The following MAGI2 variants were observed in gnomAD, a reference collection of about 807,000 sequenced individuals.
The protein encoded by MAGI2 is membrane associated guanylate kinase, WW and PDZ domain containing 2.
MAGI2 carries 35 observed loss-of-function variants against 133.3 expected under a neutral mutation model. That is an observed-to-expected ratio of 0.26 (90% CI 0.20 to 0.35). MAGI2 has a LOEUF of 0.35. Ranked by LOEUF, MAGI2 falls within the 10% of genes least tolerant of loss-of-function variation. The probability of loss-of-function intolerance (pLI) is 1.00; values close to 1 mark genes in which losing one functional copy is unlikely to be tolerated. For missense variants in MAGI2, 1,636 were observed against 1,863.4 expected, an observed-to-expected ratio of 0.88 and a Z score of 2.25; for synonymous variants, 729 against 710.6, an observed-to-expected ratio of 1.03 and a Z score of -0.41.
chr7:79,173,825 G>T (rs1197919108), intron 1 of MAGI2, among the ~76,000 whole-genome samples: 1 of 151,976 alleles, frequency 6.6e-6, no homozygotes, highest in Non-Finnish European at 1.5e-5. Flanking sequence ...CAATACTAAT[G>T]GAACAGAATT....
chr7:78,241,362 G>T (rs1211220762), intron 10 of MAGI2, among the ~76,000 whole-genome samples: 2 of 152,138 alleles, frequency 1.3e-5, no homozygotes, highest in Non-Finnish European at 2.9e-5. Context: ...CATGCTAAGT[G>T]TTGTTTGTGC....
chr7:78,106,505 C>T (rs1818707404), intron 20 of MAGI2, among the ~76,000 whole-genome samples: 1 of 152,140 alleles, frequency 6.6e-6, no homozygotes, highest in Non-Finnish European at 1.5e-5. Context: ...ATCTCCCCAT[C>T]CTTACCAGCA....
At chr7:79,394,694 A>T (rs1231537098) in intron 1 of MAGI2, among the ~76,000 whole-genome samples, 1 of 152,210 alleles carries the variant, frequency 6.6e-6, no homozygotes, top group Non-Finnish European at 1.5e-5. Flanking sequence ...TTCTACAAAC[A>T]GTAATCATGT....
chr7:78,299,394 A>C (rs1201154731), intron 9 of MAGI2, among the ~76,000 whole-genome samples: 1 of 152,210 alleles, frequency 6.6e-6, no homozygotes, highest in Non-Finnish European at 1.5e-5. Flanking sequence ...ACAATCATTA[A>C]AACTTTTAAT....
chr7:78,918,575 T>G (rs1798975503), intron 2 of MAGI2, among the ~76,000 whole-genome samples: 1 of 152,174 alleles, frequency 6.6e-6, no homozygotes, highest in African/African-American at 2.4e-5. Flanking sequence ...GATTTATCAT[T>G]TTGGCCTTAG....
chr7:79,203,707 C>T (rs756177668), intron 1 of MAGI2, among the ~76,000 whole-genome samples: 27 of 152,108 alleles, frequency 1.8e-4, no homozygotes, highest in Admixed American at 5.2e-4. Flanking sequence ...AAAAACCAAT[C>T]CACCAATCAG....
intron 2 of MAGI2, among the ~76,000 whole-genome samples, chr7:78,692,892 C>T (rs926915495): frequency 6.6e-6 from 1 of 152,244 alleles, no homozygotes; most frequent in East Asian, 1.9e-4. Flanking sequence ...TCCCTATCAA[C>T]GGTTTCTTTC....
At chr7:78,243,789 A>T (rs1791443283) in intron 10 of MAGI2, among the ~76,000 whole-genome samples, 1 of 152,088 alleles carries the variant, frequency 6.6e-6, no homozygotes, top group Non-Finnish European at 1.5e-5. Flanking sequence ...TAAGCAGAAG[A>T]CTTTGTTGCA....
At chr7:78,549,429 C>A (rs951927453) in intron 3 of MAGI2, among the ~76,000 whole-genome samples, 6 of 151,808 alleles carry the variant, frequency 4.0e-5, no homozygotes, top group East Asian at 1.9e-4. Context: ...AAAACCCAAT[C>A]ATAAAATCAC....
intron 14 of MAGI2, among the ~76,000 whole-genome samples, chr7:78,168,477 C>T (rs1342313546): frequency 6.6e-6 from 1 of 152,136 alleles, no homozygotes; most frequent in African/African-American, 2.4e-5. Flanking sequence ...CTTTCTGGCT[C>T]ATCATAAATG....
intron 1 of MAGI2, among the ~76,000 whole-genome samples, chr7:79,042,653 A>T (rs1811777330): frequency 6.6e-6 from 1 of 152,138 alleles, no homozygotes; most frequent in South Asian, 2.1e-4. Flanking sequence ...AGACTTCAAC[A>T]CCCCACTGAC....
chr7:78,103,769 A>G (rs985144383), intron 20 of MAGI2, among the ~76,000 whole-genome samples: 1 of 152,276 alleles, frequency 6.6e-6, no homozygotes, highest in African/African-American at 2.4e-5. Flanking sequence ...TGGAAAAAGT[A>G]CAGTGCACAT....
intron 1 of MAGI2, among the ~76,000 whole-genome samples, chr7:79,175,222 G>C (rs1043519095): frequency 1.3e-5 from 2 of 151,748 alleles, no homozygotes; most frequent in African/African-American, 4.9e-5. Flanking sequence ...ATGATTAGAA[G>C]AAAAAACACT....
chr7:78,273,556 T>C (rs56161031), intron 9 of MAGI2, among the ~76,000 whole-genome samples: 28,512 of 152,146 alleles, frequency 0.19, 3,205 homozygotes, highest in South Asian at 0.31. Context: ...ATTCTCCCCG[T>C]CACTTTCAGG....
At chr7:78,260,207 G>A (rs984656649) in intron 9 of MAGI2, among the ~76,000 whole-genome samples, 3 of 152,190 alleles carry the variant, frequency 2.0e-5, no homozygotes, top group Admixed American at 2.0e-4. Context: ...TGCTTGTTCA[G>A]ATAGAACTTA....
At chr7:78,296,754 C>CTT (rs370959380) in intron 9 of MAGI2, among the ~76,000 whole-genome samples, 13 of 152,272 alleles carry the variant, frequency 8.5e-5, no homozygotes, top group African/African-American at 2.9e-4. Flanking sequence ...GGGAAACTTA[C>CTT]TTATACTTGC....
chr7:78,375,574 CCT>C (rs1794366104), intron 6 of MAGI2, among the ~76,000 whole-genome samples: 1 of 151,644 alleles, frequency 6.6e-6, no homozygotes, highest in Non-Finnish European at 1.5e-5. Context: ...TGTTGACTAG[CCT>C]TTTTAAAAAA....
Position 78,499,054 on chromosome 7 carries a change from C to CAAACAACAACA in MAGI2, c.965+2512_965+2522dup, listed in dbSNP as rs778747360. ...TAGGAAGATTAAAAAACTACAAACT[C>CAAACAACAACA]AAACAACAACAACAACAACAACAAC... On this transcript the variant is annotated intron_variant, in intron 5 of 21. Coordinates refer to ENST00000354212, the MANE Select transcript of MAGI2 (RefSeq NM_012301.4). Among the ~76,000 whole-genome samples, 695 of 97,230 alleles carry CAAACAACAACA rather than the reference C, an allele frequency of 7.1e-3. 2 individuals are homozygous for CAAACAACAACA. Among genetic ancestry groups the CAAACAACAACA allele is most frequent in the Middle Eastern group, 0.01 (2 of 198 alleles). 63.8% of individuals were successfully genotyped at this position (97,230 alleles called of 152,430 possible).
intron 1 of MAGI2, among the ~76,000 whole-genome samples, chr7:79,119,416 T>C (rs1338744467): frequency 1.3e-5 from 2 of 152,086 alleles, no homozygotes; most frequent in African/African-American, 2.4e-5. Context: ...GAAAGGGGAA[T>C]GAATACCATT....
Sources: allele counts gnomAD v4.1 joint callset (sites outside exome capture counted in the v4.1 genomes callset), GRCh38; gene constraint gnomAD v4.1.1; transcripts MANE v1.5; gene names NCBI Gene and HGNC (gene_info 2026-07-23, HGNC 2026-07-21).